The following TMEM67 variants were observed in gnomAD, a reference collection of about 807,000 sequenced individuals.
TMEM67 encodes meckelin.
Under a neutral mutation model 136.6 loss-of-function variants are expected in TMEM67, and 124 were observed. That is an observed-to-expected ratio of 0.91 (90% confidence interval 0.78 to 1.05). The LOEUF (loss-of-function observed/expected upper bound fraction) is 1.05, where lower values mean the gene tolerates loss of function less well. TMEM67 is among the 50% of genes least tolerant of loss of function. TMEM67 has a pLI of 0.00. For synonymous variants in TMEM67, 364 were observed against 390.5 expected (o/e 0.93, Z 0.80); for missense variants, 1,107 against 1,178.4 (o/e 0.94, Z 0.89).
chr8:93,779,650 G>A (rs570665023), intron 7 of TMEM67, among the ~76,000 whole-genome samples: 1 of 152,292 alleles, frequency 6.6e-6, no homozygotes, highest in African/African-American at 2.4e-5. Context: ...GTCTGTTGGA[G>A]TTTGCTAGAG....
Position 93,809,876 on chromosome 8 carries a change from T to C in TMEM67, c.2753T>C (p.Ile918Thr). ...MEFMEPMEKSIFYNDEGYSFS... is the reference protein window; with the variant it reads ...MEFMEPMEKSTFYNDEGYSFS... ...TTCATGGAACCAATGGAAAAAAGCA[T>C]CTTTTACAATGGTATCTTCTAAATC... The change falls in exon 26 of 28, where the codon ATC becomes ACC. Residue 918 changes from isoleucine to threonine, a missense_variant. Ile to Thr is a moderately conservative substitution (Grantham distance 89, BLOSUM62 -1). This residue lies in a region of TMEM67 where 925 missense variants were observed against 1,002.4 expected (regional missense o/e 0.92). Transcript: ENST00000453321. 1 of 1,596,968 alleles carries C rather than the reference T, an allele frequency of 6.3e-7. No homozygotes were observed. The highest frequency in any genetic ancestry group is 1.3e-5 in the African/African-American group (1 of 74,752).
chr8:93,759,567 T>G (rs189493163), intron 3 of TMEM67: 1 of 151,848 alleles, frequency 6.6e-6, no homozygotes, highest in East Asian at 1.9e-4. Context: ...TAAACAGTGA[T>G]GGAAGAAAAT....
intron 26 of TMEM67, among the ~76,000 whole-genome samples, chr8:93,811,077 C>T (rs1808680279): frequency 1.3e-5 from 2 of 152,188 alleles, no homozygotes; most frequent in Admixed American, 6.5e-5. Flanking sequence ...GTCTGAGATA[C>T]ACAGACGAAT....
chr8:93,767,856 CTTTTTTCTT>C (rs1235066970), intron 6 of TMEM67, among the ~76,000 whole-genome samples: 2 of 116,602 alleles, frequency 1.7e-5, no homozygotes, highest in Non-Finnish European at 3.4e-5. Context: ...TCAGCCATTT[CTTTTTTCTT>C]TTTTTTTTTT....
intron 26 of TMEM67, among the ~76,000 whole-genome samples, chr8:93,813,422 G>A (rs1314808100): frequency 6.6e-6 from 1 of 151,646 alleles, no homozygotes; most frequent in Non-Finnish European, 1.5e-5. Flanking sequence ...CAAGAGATCT[G>A]CCCACCTCGG....
intron 13 of TMEM67, 78 bp from the exon 14 acceptor site, chr8:93,787,766 C>A: frequency 8.8e-7 from 1 of 1,139,022 alleles, no homozygotes; most frequent in Non-Finnish European, 1.3e-6. Flanking sequence ...ATATTAAATT[C>A]AAAAGAAATG....
At chr8:93,759,201 T>C (rs550813675) in intron 3 of TMEM67, 1 of 151,828 alleles carries the variant, frequency 6.6e-6, no homozygotes, top group African/African-American at 2.4e-5. Flanking sequence ...AGGTAGGCCG[T>C]TGTTAATCCT....
chr8:93,805,037 A>G (rs1239188108), intron 23 of TMEM67, among the ~76,000 whole-genome samples, 159 bp downstream of exon 23: 1 of 151,990 alleles, frequency 6.6e-6, no homozygotes, highest in Non-Finnish European at 1.5e-5. Context: ...CAGTGGCGCA[A>G]TCTCGGCTCA....
chr8:93,797,270 T>C (rs372270058), intron 19 of TMEM67, 37 bp downstream of exon 19: 227 of 1,613,028 alleles, frequency 1.4e-4, no homozygotes, highest in Non-Finnish European at 1.7e-4. Flanking sequence ...CAAAATTCTT[T>C]TGCTACCCTT....
chr8:93,786,333 C>G lies in TMEM67; in HGVS notation c.1399C>G (p.Gln467Glu), dbSNP rs1814100085. ...TQPRVIRVATQISLSVHLVPN... is the reference protein window; with the variant it reads ...TQPRVIRVATEISLSVHLVPN... ...GCCAAGAGTAATTCGAGTTGCTACTCAAATATCACTGAGGTAAACAAATGT... is the reference window on the plus strand; with the variant it reads ...GCCAAGAGTAATTCGAGTTGCTACTGAAATATCACTGAGGTAAACAAATGT... Residue 467 changes from glutamine to glutamate, a missense_variant, in exon 13 of 28, where the codon CAA becomes GAA. Coordinates refer to ENST00000453321, the MANE Select transcript of TMEM67 (RefSeq NM_153704.6). 6.2e-7 allele frequency: 1 copy of G among 1,613,632 alleles called. No individual in the cohort carries two copies. Among genetic ancestry groups the G allele is most frequent in the African/African-American group, 1.3e-5 (1 of 74,888 alleles).
chr8:93,792,313 G>C (rs143365583), intron 15 of TMEM67, among the ~76,000 whole-genome samples: 28 of 151,568 alleles, frequency 1.8e-4, no homozygotes, highest in Middle Eastern at 3.4e-3. Flanking sequence ...CTGGGATTAC[G>C]GGCACACACC....
chr8:93,780,785 G>T, intron 8 of TMEM67, 38 bp downstream of exon 8: 2 of 1,610,386 alleles, frequency 1.2e-6, no homozygotes, highest in Non-Finnish European at 8.5e-7. Context: ...TATTTTGACT[G>T]AATTCAGTGC....
chr8:93,819,934 G>A (rs1256704839), downstream of TMEM67, among the ~76,000 whole-genome samples: 1 of 152,082 alleles, frequency 6.6e-6, no homozygotes, highest in East Asian at 1.9e-4. Flanking sequence ...ACAAACTATA[G>A]ACCTGAGCCA....
At chr8:93,767,831 G>T (rs1813143586) in intron 6 of TMEM67, among the ~76,000 whole-genome samples, 1 of 142,906 alleles carries the variant, frequency 7.0e-6, no homozygotes, top group Non-Finnish European at 1.5e-5. Flanking sequence ...TAATTTTCCT[G>T]CCTCAGCCCT....
chr8:93,830,658 A>G, the TMEM67 span, among the ~76,000 whole-genome samples: 1 of 152,200 alleles, frequency 6.6e-6, no homozygotes, highest in Non-Finnish European at 1.5e-5. Context: ...GATTGTTGTA[A>G]GAGAATAGGA....
At chr8:93,793,324 A>G in intron 16 of TMEM67, 28 bp downstream of exon 16, 1 of 1,566,716 alleles carries the variant, frequency 6.4e-7, no homozygotes, top group Middle Eastern at 1.7e-4. Context: ...TTTTAAGAAT[A>G]TTTTTATCTT....
intron 21 of TMEM67, 145 bp downstream of exon 21, chr8:93,799,903 T>C: frequency 5.4e-6 from 3 of 554,900 alleles, no homozygotes; most frequent in Non-Finnish European, 9.0e-6. Context: ...AATGGTCAGT[T>C]CTTTTTTTTT....
Position 93,791,282 on chromosome 8 carries a change from A to G in TMEM67, c.1538A>G (p.Tyr513Cys), listed in dbSNP as rs137853107. 34 of 1,607,258 alleles carry G rather than the reference A, an allele frequency of 2.1e-5. No homozygotes were observed. The highest frequency in any genetic ancestry group is 2.9e-5 in the Non-Finnish European group (34 of 1,174,258). ...QSVKVSFSVT[Y>C]EMDHGEAHVQ... ...TATCAGGTTTCTTTCTCAGTCACAT[A>G]TGAAATGGATCATGGAGAAGCACAT... Residue 513 changes from tyrosine (Y) to cysteine (C), a missense_variant, in exon 15 of 28, where the codon TAT becomes TGT. This residue lies in a region of TMEM67 where 925 missense variants were observed against 1,002.4 expected (regional missense o/e 0.92). Transcript: ENST00000453321.
At chr8:93,811,507 T>C (rs149781888) in intron 26 of TMEM67, among the ~76,000 whole-genome samples, 114 of 152,330 alleles carry the variant, frequency 7.5e-4, no homozygotes, top group Middle Eastern at 3.4e-3. Flanking sequence ...GGAATTTCAC[T>C]CTATCCTGTA....
Sources: allele counts gnomAD v4.1 joint callset (sites outside exome capture counted in the v4.1 genomes callset), GRCh38; gene constraint gnomAD v4.1.1; regional missense constraint gnomAD v4.1.1; transcripts MANE v1.5; gene names NCBI Gene and HGNC (gene_info 2026-07-23, HGNC 2026-07-21).